EPS8: variants seen among roughly 807,000 people sequenced by gnomAD.
EPS8 encodes the protein EGFR pathway substrate 8, signaling adaptor.
A neutral mutation model predicts 103.8 loss-of-function variants in EPS8; 42 were observed. That is an observed-to-expected ratio of 0.40 (90% CI 0.32 to 0.52). The LOEUF (loss-of-function observed/expected upper bound fraction) is 0.52. EPS8 is among the 20% of genes least tolerant of loss of function. The probability of loss-of-function intolerance (pLI) is 0.40; values close to 1 mark genes in which losing one functional copy is unlikely to be tolerated. For synonymous variants in EPS8, 344 were observed against 344.6 expected (o/e 1.00, Z 0.02); for missense variants, 969 against 1,005.1 (o/e 0.96, Z 0.49).
rs1199235782 is a variant in EPS8 at position 15,780,600 on chromosome 12, T to C, written c.-22+8561A>G. On this transcript the variant is annotated intron_variant, in intron 1 of 20. Coordinates refer to ENST00000281172, the MANE Select transcript of EPS8 (RefSeq NM_004447.6). The surrounding 1 kb of genome is among the most constrained non-coding windows in gnomAD (Gnocchi z 4.1). ...CTACTTGACATTTCCACCTCTTTGA[T>C]AAGAAAACCAAGGCAGATAAGGTCT... 6 of 151,886 alleles carry C rather than the reference T, an allele frequency of 4.0e-5. No homozygotes were observed. Among genetic ancestry groups the C allele is most frequent in the African/African-American group, 1.2e-4 (5 of 41,294 alleles). 9.4% of individuals were successfully genotyped at this position (151,886 alleles called of 1,614,324 possible). A position where few individuals can be genotyped will look rare whatever the true frequency, so the allele number is the denominator to read the frequency against.
intron 3 of EPS8, among the ~76,000 whole-genome samples, chr12:15,673,975 A>G (rs899033713): frequency 2.6e-5 from 4 of 152,220 alleles, no homozygotes; most frequent in African/African-American, 9.6e-5. Flanking sequence ...CCAAACAGAC[A>G]GAATTACATG....
chr12:15,722,780 C>T (rs569271596), intron 1 of EPS8, among the ~76,000 whole-genome samples: 46 of 152,228 alleles, frequency 3.0e-4, no homozygotes, highest in Non-Finnish European at 5.4e-4. Context: ...AAGGGGCAAA[C>T]GGTTCCTTCT....
chr12:15,741,005 T>G (rs1298743337), intron 1 of EPS8, among the ~76,000 whole-genome samples: 1 of 152,148 alleles, frequency 6.6e-6, no homozygotes, highest in African/African-American at 2.4e-5. Flanking sequence ...AGAGTTGTCC[T>G]AAAGTCCAAA....
intron 1 of EPS8, among the ~76,000 whole-genome samples, chr12:15,715,558 G>C (rs1453828014): frequency 2.6e-5 from 4 of 151,722 alleles, no homozygotes; most frequent in Non-Finnish European, 5.9e-5. Context: ...CTAATTTTTT[G>C]TGTTTTTAAT....
At chr12:15,621,497 T>C in intron 20 of EPS8, 67 bp from the exon 21 acceptor site, 2 of 818,784 alleles carry the variant, frequency 2.4e-6, no homozygotes, top group Middle Eastern at 2.2e-4. Context: ...TATCATGAAA[T>C]GGCTCAGGAT....
chr12:15,653,680 T>G (rs1365637558), intron 13 of EPS8, among the ~76,000 whole-genome samples: 1 of 152,222 alleles, frequency 6.6e-6, no homozygotes, highest in African/African-American at 2.4e-5. Flanking sequence ...GCTCTGTCAC[T>G]TACAAGTTGT....
In EPS8 at chr12:15,785,403, T is replaced by C. The variant is rs1437369197; in HGVS notation, c.-22+3758A>G. Among the ~76,000 whole-genome samples, 3 of 152,258 alleles carry C rather than the reference T, an allele frequency of 2.0e-5. No individual in the cohort carries two copies. The highest frequency in any genetic ancestry group is 1.9e-4 in the East Asian group (1 of 5,190). ...AGAAATGAATGATTAAGCAAATGTA[T>C]GGCAGATGGTGCAAACCAGGTTTCT... is the stretch of plus-strand genomic sequence containing the variant. On this transcript the variant is annotated intron_variant, in intron 1 of 20. Transcript: ENST00000281172. This position sits in a 1 kb window ranked among gnomAD's most constrained non-coding sequence, Gnocchi z 4.9.
chr12:15,785,990 G>A lies in EPS8; in HGVS notation c.-22+3171C>T, dbSNP rs1947307044. 6.6e-6 allele frequency among the ~76,000 whole-genome samples: 1 copy of A among 151,622 alleles called. No homozygotes were observed. Among genetic ancestry groups the A allele is most frequent in the Non-Finnish European group, 1.5e-5 (1 of 67,834 alleles). On this transcript the variant is annotated intron_variant, in intron 1 of 20. Transcript: ENST00000281172. This position sits in a 1 kb window ranked among gnomAD's most constrained non-coding sequence, Gnocchi z 4.9. ...GAGTAAATAAATACATGGGGGAGAA[G>A]AGACAAATCTCCCACGGAGAAAAAT...
At position 15,760,715 on chromosome 12, in the gene EPS8, T is replaced by G. The variant is rs1434195863; in HGVS notation, c.-22+28446A>C. On this transcript the variant is annotated intron_variant, in intron 1 of 20. Coordinates refer to ENST00000281172, the MANE Select transcript of EPS8 (RefSeq NM_004447.6). This position sits in a 1 kb window ranked among gnomAD's most constrained non-coding sequence, Gnocchi z 4.5. The stretch of plus-strand genomic sequence containing the variant: ...GACAAAAACCATATAATCATATCAA[T>G]TGATGCCAAAAATGCATTTGATTAA... Among the ~76,000 whole-genome samples the G allele has an allele frequency of 1.3e-5, 2 of 152,112 alleles. No homozygotes were observed. The highest frequency in any genetic ancestry group is 2.9e-5 in the Non-Finnish European group (2 of 67,952).
chr12:15,778,457 C>T lies in EPS8; in HGVS notation c.-22+10704G>A, dbSNP rs796667674. 1.3e-5 allele frequency among the ~76,000 whole-genome samples: 2 copies of T among 152,138 alleles called. No individual in the cohort carries two copies. Among genetic ancestry groups the T allele is most frequent in the Admixed American group, 6.5e-5 (1 of 15,270 alleles). On this transcript the variant is annotated intron_variant, in intron 1 of 20. Coordinates refer to ENST00000281172, the MANE Select transcript of EPS8 (RefSeq NM_004447.6). This position sits in a 1 kb window ranked among gnomAD's most constrained non-coding sequence, Gnocchi z 4.5. ...ACTACTGACAAAATTAATGTTCTCT[C>T]GACTAAAAGGATCTTGATGTGCAAA...
chr12:15,692,115 C>G (rs1946181002), intron 1 of EPS8, among the ~76,000 whole-genome samples: 1 of 152,110 alleles, frequency 6.6e-6, no homozygotes, highest in East Asian at 1.9e-4. Context: ...TGTCTTGGAG[C>G]CTTACTTCCT....
In EPS8 at chr12:15,778,113, A is replaced by T. The variant is rs1947225342; in HGVS notation, c.-22+11048T>A. 6.6e-6 allele frequency among the ~76,000 whole-genome samples: 1 copy of T among 152,238 alleles called. No individual in the cohort carries two copies. Among genetic ancestry groups the T allele is most frequent in the African/African-American group, 2.4e-5 (1 of 41,470 alleles). On this transcript the variant is annotated intron_variant, in intron 1 of 20. Coordinates refer to ENST00000281172, the MANE Select transcript of EPS8 (RefSeq NM_004447.6). The surrounding 1 kb of genome is among the most constrained non-coding windows in gnomAD (Gnocchi z 4.5). ...ATTTAAAGGAAGTTATAATTTTTCC[A>T]ATTTTTCTTACATATTATTGTTCAG... is the stretch of plus-strand genomic sequence containing the variant.
At position 15,714,146 on chromosome 12, in the gene EPS8, C is replaced by G. The variant is rs1281282781; in HGVS notation, c.-21-31174G>C. On this transcript the variant is annotated intron_variant, in intron 1 of 20. Coordinates refer to ENST00000281172, the MANE Select transcript of EPS8 (RefSeq NM_004447.6). The surrounding 1 kb of genome is among the most constrained non-coding windows in gnomAD (Gnocchi z 4.1). The stretch of plus-strand genomic sequence containing the variant: ...GATGAGCTTATAAATTTAGAGATTA[C>G]AAAATATGGAGAAAATGATTTACTG... Among the ~76,000 whole-genome samples the G allele has an allele frequency of 6.6e-6, 1 of 151,532 alleles. No individual in the cohort carries two copies. Among genetic ancestry groups the G allele is most frequent in the East Asian group, 1.9e-4 (1 of 5,172 alleles).
rs927916192 is a variant in EPS8 at position 15,772,741 on chromosome 12, A to G, written c.-22+16420T>C. 2.7e-4 allele frequency among the ~76,000 whole-genome samples: 41 copies of G among 152,152 alleles called. No homozygotes were observed. Among genetic ancestry groups the G allele is most frequent in the African/African-American group, 9.9e-4 (41 of 41,424 alleles). On this transcript the variant is annotated intron_variant, in intron 1 of 20. Transcript: ENST00000281172. The surrounding 1 kb of genome is among the most constrained non-coding windows in gnomAD (Gnocchi z 5.0). ...TAGATGTTAACCAGGAAAGAACAGCACCACCACAGGAGCCAAAGGAAGAGA... is the reference window on the plus strand; with the variant it reads ...TAGATGTTAACCAGGAAAGAACAGCGCCACCACAGGAGCCAAAGGAAGAGA...
chr12:15,648,737 G>A (rs1257882905), intron 14 of EPS8, among the ~76,000 whole-genome samples: 1 of 152,160 alleles, frequency 6.6e-6, no homozygotes, highest in African/African-American at 2.4e-5. Context: ...TGGGTCCTGA[G>A]AGCAACTGCG....
chr12:15,692,319 GTTTTTTTTTTTTT>G (rs56016545), intron 1 of EPS8, among the ~76,000 whole-genome samples: 1 of 120,320 alleles, frequency 8.3e-6, no homozygotes, highest in African/African-American at 3.3e-5. Context: ...AAGAGGTTTG[GTTTTTTTTTTTTT>G]TTTTTTTTTT....
At chr12:15,651,303 T>C (rs1945410059) in intron 13 of EPS8, among the ~76,000 whole-genome samples, 1 of 152,220 alleles carries the variant, frequency 6.6e-6, no homozygotes, top group African/African-American at 2.4e-5. Flanking sequence ...GATATAGGTT[T>C]TTAAAAATTT....
rs1478346341 is a variant in EPS8 at position 15,704,753 on chromosome 12, A to AT, written c.-21-21782dup. ...ATTTAATATCAACTTTATCACAATA[A>AT]TTAGAGAAATCTGAGGAACAAATGA... On this transcript the variant is annotated intron_variant, in intron 1 of 20. Coordinates refer to ENST00000281172, the MANE Select transcript of EPS8 (RefSeq NM_004447.6). This position sits in a 1 kb window ranked among gnomAD's most constrained non-coding sequence, Gnocchi z 4.6. Among the ~76,000 whole-genome samples the AT allele has an allele frequency of 6.6e-6, 1 of 152,214 alleles. No homozygotes were observed. Among genetic ancestry groups the AT allele is most frequent in the African/African-American group, 2.4e-5 (1 of 41,456 alleles).
In EPS8 at chr12:15,666,450, C is replaced by T. The variant is rs150255928; in HGVS notation, c.589G>A (p.Asp197Asn). 8.0e-5 allele frequency: 129 copies of T among 1,613,020 alleles called. No individual in the cohort carries two copies. Among genetic ancestry groups the T allele is most frequent in the Middle Eastern group, 1.7e-4 (1 of 6,060 alleles). Residue 197 changes from aspartate to asparagine, a missense_variant, in exon 7 of 21, where the codon GAC becomes AAC. Physicochemically the swap from Asp to Asn is conservative, Grantham distance 23 (BLOSUM62 1). Transcript: ENST00000281172. ...SKGGKQKRRP[D>N]ALRMISNADP... Reference sequence around the variant, plus strand: ...TTTCAATGCTTTTACCTCAGGGCGTCGGGCCGCCTCTTCTGTTTCCCTCCT... The same window carrying T: ...TTTCAATGCTTTTACCTCAGGGCGTTGGGCCGCCTCTTCTGTTTCCCTCCT...
Sources: gnomAD v4.1 joint callset for allele counts (sites outside exome capture counted in the v4.1 genomes callset) on GRCh38, gnomAD v4.1.1 for gene constraint, Gnocchi (gnomAD v3.1) non-coding constraint, MANE v1.5 for transcripts, NCBI Gene and HGNC (gene_info 2026-07-23, HGNC 2026-07-21) for gene names.